The following WDR7 variants were observed in gnomAD, a reference collection of about 807,000 sequenced individuals.
WDR7 encodes the protein WD repeat-containing protein 7.
WDR7 carries 46 observed loss-of-function variants against 169.4 expected under a neutral mutation model. The observed-to-expected ratio is 0.27, with a 90% CI of 0.21 to 0.35. The LOEUF is 0.35. WDR7 is among the 10% of genes least tolerant of loss of function. The pLI, the probability that WDR7 is intolerant of heterozygous loss-of-function variation, is 1.00. For synonymous variants in WDR7, 612 were observed against 666.8 expected (o/e 0.92, Z 1.27); for missense variants, 1,534 against 1,859.3 (o/e 0.83, Z 3.22).
intron 1 of WDR7, among the ~76,000 whole-genome samples, chr18:56,656,249 C>A (rs575706200): frequency 6.7e-6 from 1 of 150,046 alleles, no homozygotes; most frequent in South Asian, 2.1e-4. Context: ...TTCTTTGCAT[C>A]GTCTTCCACT....
At chr18:56,812,569 G>A (rs1203706828) in intron 19 of WDR7, among the ~76,000 whole-genome samples, 2 of 152,180 alleles carry the variant, frequency 1.3e-5, no homozygotes, top group Non-Finnish European at 2.9e-5. Context: ...GAAGCTGGTG[G>A]TGGGGCTCAG....
chr18:56,785,832 T>C (rs977186414), intron 19 of WDR7, among the ~76,000 whole-genome samples: 155 of 103,770 alleles, frequency 1.5e-3, no homozygotes, highest in African/African-American at 4.5e-3. Context: ...TTCTTTTTCT[T>C]TTTTTTTTTT....
chr18:56,744,233 C>G (rs1435270846), intron 14 of WDR7, among the ~76,000 whole-genome samples: 1 of 121,410 alleles, frequency 8.2e-6, no homozygotes, highest in African/African-American at 3.1e-5. Context: ...AGCGAGACTC[C>G]GTCTCAAAAA....
At chr18:56,676,776 A>C (rs2025253673) in intron 2 of WDR7, among the ~76,000 whole-genome samples, 1 of 151,066 alleles carries the variant, frequency 6.6e-6, no homozygotes, top group Non-Finnish European at 1.5e-5. Context: ...GAGTGGCATG[A>C]CCTTGGCTCA....
intron 2 of WDR7, among the ~76,000 whole-genome samples, chr18:56,675,031 G>T (rs2025214884): frequency 6.6e-6 from 1 of 152,076 alleles, no homozygotes; most frequent in Non-Finnish European, 1.5e-5. Context: ...ATGGTTCTTT[G>T]TATGTGTTCT....
At position 56,685,826 on chromosome 18, in the gene WDR7, A is replaced by T; in HGVS notation, c.521-130A>T. 4 of 707,294 alleles carry T rather than the reference A, an allele frequency of 5.7e-6. No individual in the cohort carries two copies. In the South Asian group the frequency reaches 7.6e-5, roughly 13 times the overall value. 43.8% of individuals were successfully genotyped at this position (707,294 alleles called of 1,614,324 possible). ...ACCTGGTTTCTGTTTCATGAAATAG[A>T]GAATTATGTTTTTCTGCTAATTGTA... On this transcript the variant is annotated intron_variant, in intron 5 of 27. Coordinates refer to ENST00000254442, the MANE Select transcript of WDR7 (RefSeq NM_015285.3).
chr18:56,842,301 A>G (rs1442620576), intron 20 of WDR7, among the ~76,000 whole-genome samples: 6 of 143,632 alleles, frequency 4.2e-5, no homozygotes, highest in Non-Finnish European at 9.1e-5. Context: ...CGGAAGAGCA[A>G]GAGAGTTCCC....
chr18:57,000,772 T>C (rs1235257900), intron 26 of WDR7, among the ~76,000 whole-genome samples: 4 of 152,234 alleles, frequency 2.6e-5, no homozygotes, highest in Non-Finnish European at 4.4e-5. Flanking sequence ...TCTGGGACTG[T>C]GCTGTTTATT....
intron 26 of WDR7, among the ~76,000 whole-genome samples, chr18:57,013,159 A>G (rs2048160342): frequency 6.6e-6 from 1 of 152,154 alleles, no homozygotes; most frequent in Non-Finnish European, 1.5e-5. Context: ...GATTCTCATA[A>G]GGAGGGCACA....
rs113869669 is a variant in WDR7 at position 56,858,459 on chromosome 18, CTTTT to C, written c.3305-21480_3305-21477del. 2.2e-3 allele frequency among the ~76,000 whole-genome samples: 331 copies of C among 152,054 alleles called. 3 individuals carry two copies. The highest frequency in any genetic ancestry group is 7.7e-3 in the African/African-American group (320 of 41,490). On this transcript the variant is annotated intron_variant, in intron 20 of 27. Coordinates refer to ENST00000254442, the MANE Select transcript of WDR7 (RefSeq NM_015285.3). ...CTATATTCTAAAACTATTTCACATT[CTTTT>C]TTTTATTTTAAGATTTTTATCATTT...
chr18:56,973,020 T>C (rs2047513316), intron 26 of WDR7, among the ~76,000 whole-genome samples: 1 of 152,166 alleles, frequency 6.6e-6, no homozygotes, highest in Non-Finnish European at 1.5e-5. Flanking sequence ...TGTGCCGCCA[T>C]GCCCAGCTAA....
chr18:56,680,695 T>G (rs1286801974), intron 3 of WDR7, among the ~76,000 whole-genome samples: 1 of 152,196 alleles, frequency 6.6e-6, no homozygotes, highest in Non-Finnish European at 1.5e-5. Context: ...TTATATCTAG[T>G]TTTTTTGTGT....
intron 26 of WDR7, among the ~76,000 whole-genome samples, chr18:56,972,156 A>G (rs746981037): frequency 1.2e-4 from 19 of 152,238 alleles, no homozygotes; most frequent in Admixed American, 6.5e-5. Context: ...AATTCTGTCA[A>G]GCACTCTAAG....
chr18:56,837,800 C>T (rs1284272208), intron 20 of WDR7, among the ~76,000 whole-genome samples: 1 of 151,594 alleles, frequency 6.6e-6, no homozygotes, highest in Non-Finnish European at 1.5e-5. Context: ...AGCTGGATTA[C>T]AGGTGCCCAC....
intron 20 of WDR7, among the ~76,000 whole-genome samples, chr18:56,838,552 G>A (rs1028738777): frequency 2.0e-5 from 3 of 152,206 alleles, no homozygotes; most frequent in East Asian, 1.9e-4. Context: ...GAATGTGAAC[G>A]ACAAAATTGT....
chr18:56,989,129 T>G (rs1032035102), intron 26 of WDR7, among the ~76,000 whole-genome samples: 7 of 152,054 alleles, frequency 4.6e-5, no homozygotes, highest in African/African-American at 1.4e-4. Context: ...TTTTATAATG[T>G]TTTCAGCATG....
At chr18:56,693,544 A>G (rs1216835621) in intron 9 of WDR7, among the ~76,000 whole-genome samples, 2 of 141,868 alleles carry the variant, frequency 1.4e-5, no homozygotes, top group Non-Finnish European at 3.1e-5. Flanking sequence ...CACAAGCTTG[A>G]TAGTTCAATT....
intron 26 of WDR7, among the ~76,000 whole-genome samples, chr18:56,972,321 T>C (rs1037371322): frequency 3.9e-5 from 6 of 152,170 alleles, no homozygotes; most frequent in African/African-American, 1.4e-4. Context: ...ACCTTAGGGA[T>C]CTTGTGGACA....
At chr18:57,019,351 C>T (rs2048253313) in intron 26 of WDR7, among the ~76,000 whole-genome samples, 1 of 152,174 alleles carries the variant, frequency 6.6e-6, no homozygotes, top group Admixed American at 6.5e-5. Flanking sequence ...TCATCATCAT[C>T]ATCGTTCCTA....
Sources: gnomAD v4.1 joint callset for allele counts (sites outside exome capture counted in the v4.1 genomes callset) on GRCh38, gnomAD v4.1.1 for gene constraint, MANE v1.5 for transcripts, NCBI Gene and HGNC (gene_info 2026-07-23, HGNC 2026-07-21) for gene names.